NMS: variants seen among roughly 807,000 people sequenced by gnomAD.
NMS encodes neuromedin S.
A neutral mutation model predicts 32.2 loss-of-function variants in NMS; 30 were observed. The observed-to-expected ratio is 0.93, with a 90% CI of 0.70 to 1.26. The LOEUF (loss-of-function observed/expected upper bound fraction) is 1.26. Among genes scored for constraint, NMS ranks in the 50% most tolerant of loss-of-function variants. The pLI is 0.00. For synonymous variants in NMS, 76 were observed against 58.5 expected (o/e 1.30, Z -1.37); for missense variants, 190 against 186.3 (o/e 1.02, Z -0.12).
intron 1 of NMS, among the ~76,000 whole-genome samples, chr2:100,471,083 C>T (rs922409311): frequency 2.0e-5 from 3 of 152,188 alleles, no homozygotes; most frequent in African/African-American, 7.2e-5. Context: ...CGCTACCTCC[C>T]GGGGCCAGTG....
At chr2:100,482,779 T>C (rs1236828018) in intron 9 of NMS, among the ~76,000 whole-genome samples, 1 of 152,204 alleles carries the variant, frequency 6.6e-6, no homozygotes, top group East Asian at 1.9e-4. Context: ...CCAATGGTGC[T>C]CTGAGATCCA....
chr2:100,475,368 T>G (rs999318021), intron 3 of NMS, among the ~76,000 whole-genome samples: 3 of 152,156 alleles, frequency 2.0e-5, no homozygotes, highest in Non-Finnish European at 2.9e-5. Flanking sequence ...AGGCCAAGTC[T>G]GTGACTCCAG....
At chr2:100,477,215 C>T (rs200778759) in intron 3 of NMS, 29 bp from the exon 4 acceptor site, 8 of 1,608,314 alleles carry the variant, frequency 5.0e-6, no homozygotes, top group Non-Finnish European at 6.8e-6. Flanking sequence ...AAAATTTCAT[C>T]TAACTTACCC....
At chr2:100,478,611 C>T (rs979924528) in intron 5 of NMS, among the ~76,000 whole-genome samples, 1 of 152,090 alleles carries the variant, frequency 6.6e-6, no homozygotes, top group Non-Finnish European at 1.5e-5. Context: ...ACTACAAGCA[C>T]GTGCCACCAC....
chr2:100,479,618 C>T (rs1271712282), intron 6 of NMS, among the ~76,000 whole-genome samples, 191 bp downstream of exon 6: 1 of 152,210 alleles, frequency 6.6e-6, no homozygotes, highest in Non-Finnish European at 1.5e-5. Flanking sequence ...CACTGAAACC[C>T]CATGAGGTGG....
chr2:100,479,124 G>A (rs1451148065), intron 5 of NMS, among the ~76,000 whole-genome samples: 1 of 152,214 alleles, frequency 6.6e-6, no homozygotes, highest in Non-Finnish European at 1.5e-5. Context: ...TTTACCCTAA[G>A]GGAATATTTT....
At chr2:100,474,662 A>G (rs1204302571) in intron 3 of NMS, among the ~76,000 whole-genome samples, 1 of 152,236 alleles carries the variant, frequency 6.6e-6, no homozygotes, top group Non-Finnish European at 1.5e-5. Flanking sequence ...AGTGCTTTCA[A>G]CAGCATCCAG....
At chr2:100,477,081 T>C (rs1460207550) in intron 3 of NMS, among the ~76,000 whole-genome samples, 163 bp from the exon 4 acceptor site, 1 of 152,204 alleles carries the variant, frequency 6.6e-6, no homozygotes, top group Admixed American at 6.5e-5. Context: ...GCATCAACTA[T>C]AGACTCATTA....
In NMS at chr2:100,477,268, G is replaced by T. The variant is rs368460081; in HGVS notation, c.207+1G>T. 1 of 1,613,320 alleles carries T rather than the reference G, an allele frequency of 6.2e-7. No homozygotes were observed. The highest frequency in any genetic ancestry group is 1.7e-5 in the Admixed American group (1 of 59,992). ...GGATAATCAAGACATATACAAAAGG[G>T]TGAGTACCACCTAGCCCTGTACAAG... On this transcript the variant is annotated splice_donor_variant, in intron 4 of 9. Transcript: ENST00000376865. LOFTEE classifies it high-confidence loss of function.
At chr2:100,478,325 C>T (rs1677152442) in intron 5 of NMS, among the ~76,000 whole-genome samples, 2 of 152,150 alleles carry the variant, frequency 1.3e-5, no homozygotes, top group African/African-American at 4.8e-5. Flanking sequence ...TAGAAAGTCT[C>T]TTATTTATAT....
At chr2:100,482,738 A>C (rs996635136) in intron 9 of NMS, among the ~76,000 whole-genome samples, 3 of 152,180 alleles carry the variant, frequency 2.0e-5, no homozygotes, top group African/African-American at 7.2e-5. Flanking sequence ...GATCATTTCT[A>C]AGTACGGCCA....
At chr2:100,472,367 G>A (rs765488302) in intron 1 of NMS, among the ~76,000 whole-genome samples, 18 of 152,178 alleles carry the variant, frequency 1.2e-4, no homozygotes, top group Non-Finnish European at 2.4e-4. Context: ...GCAGAGAGAC[G>A]GGTATCCATG....
chr2:100,473,635 G>T, intron 3 of NMS, 96 bp downstream of exon 3: 1 of 336,116 alleles, frequency 3.0e-6, no homozygotes. Context: ...GTATGTATGT[G>T]CATGCTTATG....
At chr2:100,472,436 G>A (rs1677021900) in intron 1 of NMS, among the ~76,000 whole-genome samples, 1 of 152,176 alleles carries the variant, frequency 6.6e-6, no homozygotes, top group Non-Finnish European at 1.5e-5. Context: ...CATTTTCTGA[G>A]ATGCCATCCT....
intron 1 of NMS, 78 bp from the exon 2 acceptor site, chr2:100,472,717 T>C: frequency 1.1e-6 from 1 of 909,438 alleles, no homozygotes; most frequent in Non-Finnish European, 1.7e-6. Context: ...AGAATGTCTG[T>C]TTTTCATGAT....
intron 3 of NMS, among the ~76,000 whole-genome samples, chr2:100,474,034 C>T (rs1295555650): frequency 2.0e-5 from 3 of 151,934 alleles, no homozygotes; most frequent in African/African-American, 4.8e-5. Flanking sequence ...AAAAATTAGC[C>T]GGGCAAGGTG....
intron 5 of NMS, 149 bp downstream of exon 5, chr2:100,477,563 T>G: frequency 1.6e-6 from 1 of 609,880 alleles, no homozygotes; most frequent in South Asian, 2.3e-5. Flanking sequence ...TCCCTGGGGC[T>G]GCAGGGATTC....
intron 5 of NMS, among the ~76,000 whole-genome samples, chr2:100,478,184 A>T (rs951185694): frequency 7.9e-5 from 12 of 151,600 alleles, no homozygotes; most frequent in African/African-American, 2.7e-4. Flanking sequence ...CTGGTCTAAA[A>T]CTCCTGACCT....
At chr2:100,478,925 G>A (rs748292333) in intron 5 of NMS, among the ~76,000 whole-genome samples, 39 of 152,196 alleles carry the variant, frequency 2.6e-4, no homozygotes, top group Non-Finnish European at 5.0e-4. Flanking sequence ...GGGTACGCAC[G>A]GCAGTCACAG....
Sources: allele counts gnomAD v4.1 joint callset (sites outside exome capture counted in the v4.1 genomes callset), GRCh38; gene constraint gnomAD v4.1.1; transcripts MANE v1.5; gene names NCBI Gene and HGNC (gene_info 2026-07-23, HGNC 2026-07-21).